The following CTNNA2 variants were observed in gnomAD, a reference collection of about 807,000 sequenced individuals.
CTNNA2 encodes the protein catenin alpha-2.
Under a neutral mutation model 101.0 loss-of-function variants are expected in CTNNA2, and 42 were observed. That is an observed-to-expected ratio of 0.42 (90% CI 0.32 to 0.54). CTNNA2 has a LOEUF of 0.54. Ranked by LOEUF, CTNNA2 falls within the 20% of genes least tolerant of loss-of-function variation. CTNNA2 has a pLI of 0.14. For missense variants in CTNNA2, 871 were observed against 1,223.1 expected (o/e 0.71, Z 4.29); for synonymous variants, 450 against 456.4 (o/e 0.99, Z 0.18).
chr2:80,525,393 T>A (rs1573133436), intron 9 of CTNNA2, among the ~76,000 whole-genome samples: 1 of 152,038 alleles, frequency 6.6e-6, no homozygotes, highest in East Asian at 1.9e-4. Context: ...TTTCCCCTTC[T>A]GTGTTGGTGA....
intron 1 of CTNNA2, among the ~76,000 whole-genome samples, chr2:79,558,089 A>G (rs540934535): frequency 6.6e-6 from 1 of 151,950 alleles, no homozygotes; most frequent in Non-Finnish European, 1.5e-5. Flanking sequence ...TTATCAGCAT[A>G]TTCTAGTTCT....
intron 4 of CTNNA2, among the ~76,000 whole-genome samples, chr2:79,868,002 C>G (rs989962945): frequency 6.6e-6 from 1 of 152,104 alleles, no homozygotes; most frequent in Admixed American, 6.5e-5. Context: ...ATCTGAGGTA[C>G]GAGATTCTCT....
chr2:79,994,118 A>G (rs145699730), intron 7 of CTNNA2, among the ~76,000 whole-genome samples: 18 of 151,644 alleles, frequency 1.2e-4, no homozygotes, highest in Non-Finnish European at 2.1e-4. Flanking sequence ...GGGTCTTACT[A>G]TGTTGCTCAG....
At chr2:79,540,710 A>C (rs540623539) in intron 1 of CTNNA2, among the ~76,000 whole-genome samples, 5 of 152,246 alleles carry the variant, frequency 3.3e-5, no homozygotes, top group Non-Finnish European at 5.9e-5. Context: ...AATGTGATTC[A>C]ATTTTGTTAA....
intron 3 of CTNNA2, among the ~76,000 whole-genome samples, chr2:79,835,175 G>A (rs1368475625): frequency 6.6e-6 from 1 of 152,068 alleles, no homozygotes; most frequent in Non-Finnish European, 1.5e-5. Flanking sequence ...CAAAACTTGA[G>A]TATCATCACC....
intron 15 of CTNNA2, among the ~76,000 whole-genome samples, chr2:80,600,574 TG>T (rs1487286182): frequency 6.6e-6 from 1 of 152,140 alleles, no homozygotes; most frequent in Non-Finnish European, 1.5e-5. Context: ...TCATTAATAA[TG>T]ATCAATAAAT....
chr2:79,786,446 A>G (rs1294169680), intron 3 of CTNNA2, among the ~76,000 whole-genome samples: 1 of 152,110 alleles, frequency 6.6e-6, no homozygotes, highest in Non-Finnish European at 1.5e-5. Flanking sequence ...GTTGAAACAC[A>G]CGTCTTATTT....
Position 79,669,403 on chromosome 2 carries a change from T to C in CTNNA2, c.102+17745T>C, listed in dbSNP as rs1301145477. On this transcript the variant is annotated intron_variant, in intron 2 of 18. Coordinates refer to ENST00000402739, the MANE Select transcript of CTNNA2 (RefSeq NM_001282597.3). ...TTACGAGACCTCTGGGGTGTCGATTTTTCTGGCTGGAAACCTCTGTGGCCA... is the reference window on the plus strand; with the variant it reads ...TTACGAGACCTCTGGGGTGTCGATTCTTCTGGCTGGAAACCTCTGTGGCCA... Among the ~76,000 whole-genome samples, 5 of 152,322 alleles carry C rather than the reference T, an allele frequency of 3.3e-5. No individual in the cohort carries two copies. The East Asian group carries it at 9.7e-4, about 29-fold the overall frequency.
At chr2:79,410,562 T>A (rs1304552310) in intron 4 of CTNNA2, among the ~76,000 whole-genome samples, 2 of 152,180 alleles carry the variant, frequency 1.3e-5, no homozygotes, top group East Asian at 3.9e-4. Context: ...GAGATAATCG[T>A]GTGGTTTGTC....
chr2:79,305,535 C>T (rs1251879752), intron 2 of CTNNA2, among the ~76,000 whole-genome samples: 1 of 151,608 alleles, frequency 6.6e-6, no homozygotes, highest in Non-Finnish European at 1.5e-5. Context: ...TTTGCTTTCT[C>T]GATCTTACCC....
intron 1 of CTNNA2, among the ~76,000 whole-genome samples, chr2:79,644,731 A>G (rs1430716419): frequency 6.6e-6 from 1 of 152,102 alleles, no homozygotes; most frequent in Admixed American, 6.5e-5. Context: ...GCATTAGAAC[A>G]CCTGCTGTTG....
chr2:80,500,234 C>T (rs1687775133), intron 9 of CTNNA2, among the ~76,000 whole-genome samples: 2 of 152,186 alleles, frequency 1.3e-5, no homozygotes, highest in Admixed American at 6.5e-5. Context: ...AGAATGGGAT[C>T]CGCAAAAATG....
chr2:79,190,135 G>A (rs1361415893), intron 1 of CTNNA2, among the ~76,000 whole-genome samples: 1 of 152,082 alleles, frequency 6.6e-6, no homozygotes, highest in Non-Finnish European at 1.5e-5. Context: ...CCCATGGATT[G>A]TTTAAAACCA....
intron 7 of CTNNA2, chr2:80,304,910 A>G (rs1260149649): frequency 4.9e-6 from 1 of 204,282 alleles, no homozygotes; most frequent in Non-Finnish European, 8.0e-6. Context: ...CATATTTCAA[A>G]AAAAAAAAAA....
intron 3 of CTNNA2, among the ~76,000 whole-genome samples, chr2:79,856,349 G>GT (rs1330024158): frequency 4.6e-5 from 7 of 152,276 alleles, no homozygotes; most frequent in Non-Finnish European, 1.0e-4. Flanking sequence ...GGTAAGAGGT[G>GT]TTTTTTATTT....
intron 7 of CTNNA2, among the ~76,000 whole-genome samples, chr2:80,066,924 C>A (rs1345719693): frequency 6.6e-6 from 1 of 152,054 alleles, no homozygotes; most frequent in Non-Finnish European, 1.5e-5. Context: ...CAAGGAAATT[C>A]TTTCATTTGC....
At chr2:80,082,357 G>A (rs561465384) in intron 7 of CTNNA2, among the ~76,000 whole-genome samples, 1 of 152,254 alleles carries the variant, frequency 6.6e-6, no homozygotes, top group South Asian at 2.1e-4. Flanking sequence ...AGCAGAATGG[G>A]AGCATAACTT....
At chr2:80,027,744 C>T (rs962459683) in intron 7 of CTNNA2, among the ~76,000 whole-genome samples, 1 of 151,924 alleles carries the variant, frequency 6.6e-6, no homozygotes, top group Non-Finnish European at 1.5e-5. Context: ...AGGTTGGGAG[C>T]ATTGCATGAG....
chr2:80,045,775 T>A (rs912256246), intron 7 of CTNNA2, among the ~76,000 whole-genome samples: 1 of 152,146 alleles, frequency 6.6e-6, no homozygotes, highest in African/African-American at 2.4e-5. Context: ...GGCTTAGAAA[T>A]ATATCTGAGT....
Sources: allele counts gnomAD v4.1 joint callset (sites outside exome capture counted in the v4.1 genomes callset), GRCh38; gene constraint gnomAD v4.1.1; transcripts MANE v1.5; gene names NCBI Gene and HGNC (gene_info 2026-07-23, HGNC 2026-07-21).